PRORP: variants seen among roughly 807,000 people sequenced by gnomAD.
The protein encoded by PRORP is protein only RNase P catalytic subunit, also known as mitochondrial ribonuclease P catalytic subunit.
In PRORP, 51 loss-of-function variants were observed where a neutral mutation model predicts 59.4. The observed-to-expected ratio is 0.86, with a 90% CI of 0.69 to 1.08. The LOEUF (loss-of-function observed/expected upper bound fraction) is 1.08, where lower values mean the gene tolerates loss of function less well. Among genes scored for constraint, PRORP ranks in the 50% least tolerant of loss-of-function variants. PRORP has a pLI of 0.00. For synonymous variants in PRORP, 231 were observed against 245.6 expected, an observed-to-expected ratio of 0.94 and a Z score of 0.55; for missense variants, 646 against 690.3, an observed-to-expected ratio of 0.94 and a Z score of 0.72.
At chr14:35,190,424 C>T (rs996256743) in intron 5 of PRORP, among the ~76,000 whole-genome samples, 1 of 151,652 alleles carries the variant, frequency 6.6e-6, no homozygotes, top group African/African-American at 2.4e-5. Flanking sequence ...AAAAGTATTG[C>T]AAAATGGTCT....
At chr14:35,235,185 T>C in intron 5 of PRORP, 1 of 668,970 alleles carries the variant, frequency 1.5e-6, no homozygotes, top group Non-Finnish European at 2.8e-6. Flanking sequence ...TAACTCAGTT[T>C]AGTGGAAAGT....
chr14:35,135,876 G>A (rs143910369), intron 4 of PRORP, among the ~76,000 whole-genome samples: 34 of 151,796 alleles, frequency 2.2e-4, no homozygotes, highest in African/African-American at 7.5e-4. Flanking sequence ...AAGAATCGCT[G>A]GAACCTGGGA....
chr14:35,158,643 G>T, intron 4 of PRORP: 1 of 375,644 alleles, frequency 2.7e-6, no homozygotes, highest in South Asian at 2.7e-5. Context: ...CTGTTCACTT[G>T]TGATTCTGCA....
chr14:35,188,989 A>G (rs1319500354), intron 5 of PRORP, among the ~76,000 whole-genome samples: 1 of 151,330 alleles, frequency 6.6e-6, no homozygotes. Context: ...AAGGTCATGA[A>G]GATTAATGCC....
intron 5 of PRORP, among the ~76,000 whole-genome samples, chr14:35,208,392 CTAT>C (rs978819673): frequency 6.6e-6 from 1 of 152,044 alleles, no homozygotes; most frequent in African/African-American, 2.4e-5. Flanking sequence ...ACGGGGCAGA[CTAT>C]TATTTTAGTG....
chr14:35,262,872 G>A, intron 5 of PRORP: 1 of 1,547,630 alleles, frequency 6.5e-7, no homozygotes, highest in East Asian at 2.2e-5. Flanking sequence ...AGTATCTCAA[G>A]CCCAGAAAGA....
Position 35,273,537 on chromosome 14 carries a change from A to G in PRORP, c.1723A>G (p.Lys575Glu). 6.2e-7 allele frequency: 1 copy of G among 1,613,664 alleles called. No homozygotes were observed. The highest frequency in any genetic ancestry group is 8.5e-7 in the Non-Finnish European group (1 of 1,179,770). ...AAGATGTTCCTGTGAAGTACCAACCAAATGGCTTTGCCTCCACCAAAAGAC... is the reference window on the plus strand; with the variant it reads ...AAGATGTTCCTGTGAAGTACCAACCGAATGGCTTTGCCTCCACCAAAAGAC... ...VERCSCEVPT[K>E]WLCLHQKT The change falls in exon 8 of 8, where the codon AAA becomes GAA. Residue 575 changes from lysine to glutamate, a missense_variant. Physicochemically the swap from Lys to Glu is moderately conservative, Grantham distance 56. Transcript: ENST00000534898.
chr14:35,158,875 A>G, intron 4 of PRORP: 1 of 304,590 alleles, frequency 3.3e-6, no homozygotes, highest in South Asian at 3.3e-5. Context: ...CAAATCTATG[A>G]GGAATCATGA....
At chr14:35,176,250 T>G (rs1185348020) in intron 4 of PRORP, among the ~76,000 whole-genome samples, 1 of 152,194 alleles carries the variant, frequency 6.6e-6, no homozygotes, top group African/African-American at 2.4e-5. Context: ...ATATGAACTT[T>G]AAAGTAGTTT....
intron 4 of PRORP, chr14:35,144,063 G>A: frequency 6.6e-6 from 1 of 150,906 alleles, no homozygotes. Flanking sequence ...AAACATCATA[G>A]TTAGGAGCCA....
intron 5 of PRORP, among the ~76,000 whole-genome samples, chr14:35,224,076 G>A (rs1289192106): frequency 6.6e-6 from 1 of 152,188 alleles, no homozygotes; most frequent in Non-Finnish European, 1.5e-5. Flanking sequence ...ACCTGGAGGA[G>A]ATGAACACTT....
chr14:35,216,600 T>C (rs2049602489), intron 5 of PRORP, among the ~76,000 whole-genome samples: 1 of 152,264 alleles, frequency 6.6e-6, no homozygotes, highest in Non-Finnish European at 1.5e-5. Flanking sequence ...TACTACTGTA[T>C]GAACATTTTT....
chr14:35,188,442 G>A (rs943443532), intron 5 of PRORP, among the ~76,000 whole-genome samples: 4 of 151,512 alleles, frequency 2.6e-5, no homozygotes, highest in African/African-American at 4.8e-5. Flanking sequence ...GCCCGCCTCG[G>A]CCTCCCAAAG....
Position 35,123,488 on chromosome 14 carries a change from T to TCCC in PRORP, c.245_246insCCC (p.Pro82dup). The stretch of plus-strand genomic sequence containing the variant: ...GCAGTAATAAGCAAGTTTATTCTGT[T>TCCC]CCTCATTTTTTTTTAGCTGGAGCAG... On this transcript the variant is annotated inframe_insertion, in exon 2 of 8. Transcript: ENST00000534898. 6.2e-7 allele frequency: 1 copy of TCCC among 1,614,038 alleles called. No homozygotes were observed. The highest frequency in any genetic ancestry group is 1.1e-5 in the South Asian group (1 of 91,086).
intron 4 of PRORP, among the ~76,000 whole-genome samples, chr14:35,135,872 C>A (rs751372819): frequency 6.6e-6 from 1 of 151,110 alleles, no homozygotes; most frequent in African/African-American, 2.4e-5. Flanking sequence ...GCAGAAGAAT[C>A]GCTGGAACCT....
At chr14:35,187,920 G>A (rs550601676) in intron 5 of PRORP, among the ~76,000 whole-genome samples, 7 of 148,950 alleles carry the variant, frequency 4.7e-5, no homozygotes, top group African/African-American at 1.2e-4. Context: ...GTGCGATCTC[G>A]GTTCACTACA....
intron 5 of PRORP, among the ~76,000 whole-genome samples, chr14:35,213,376 A>G (rs1170246238): frequency 6.6e-6 from 1 of 152,104 alleles, no homozygotes; most frequent in Non-Finnish European, 1.5e-5. Context: ...GGCTGCAGTG[A>G]GCTGTGATTG....
intron 4 of PRORP, among the ~76,000 whole-genome samples, chr14:35,177,921 T>C (rs1240518506): frequency 3.3e-5 from 5 of 152,246 alleles, no homozygotes; most frequent in Non-Finnish European, 7.3e-5. Flanking sequence ...TTTAAATGTG[T>C]CCCAGAGATT....
intron 4 of PRORP, among the ~76,000 whole-genome samples, chr14:35,131,981 A>G (rs2138806138): frequency 6.6e-6 from 1 of 151,820 alleles, no homozygotes; most frequent in African/African-American, 2.4e-5. Flanking sequence ...CTGGGATTAC[A>G]GGCACCTGCC....
Sources: allele counts gnomAD v4.1 joint callset (sites outside exome capture counted in the v4.1 genomes callset), GRCh38; gene constraint gnomAD v4.1.1; transcripts MANE v1.5; gene names NCBI Gene and HGNC (gene_info 2026-07-23, HGNC 2026-07-21).